Variants in CACNA1E observed in about 807,000 individuals in gnomAD.
The protein encoded by CACNA1E is calcium voltage-gated channel subunit alpha1 E, also known as voltage-dependent R-type calcium channel subunit alpha-1E.
A neutral mutation model predicts 259.2 loss-of-function variants in CACNA1E; 40 were observed. The observed-to-expected ratio is 0.15, with a 90% confidence interval of 0.12 to 0.20. The LOEUF (loss-of-function observed/expected upper bound fraction) is 0.20. Ranked by LOEUF, CACNA1E falls within the 10% of genes least tolerant of loss-of-function variation. The pLI is 1.00. For synonymous variants in CACNA1E, 1,104 were observed against 1,138.5 expected, an observed-to-expected ratio of 0.97 and a Z score of 0.61; for missense variants, 1,874 against 3,040.1, an observed-to-expected ratio of 0.62 and a Z score of 9.02.
At chr1:181,357,075 C>A (rs1362689773) in intron 1 of CACNA1E, among the ~76,000 whole-genome samples, 1 of 152,154 alleles carries the variant, frequency 6.6e-6, no homozygotes, top group African/African-American at 2.4e-5. Flanking sequence ...AATGTGATTG[C>A]TTCCATTGAA....
chr1:181,510,944 C>G (rs893464575), intron 2 of CACNA1E, among the ~76,000 whole-genome samples: 1 of 152,332 alleles, frequency 6.6e-6, no homozygotes, highest in Admixed American at 6.5e-5. Context: ...CCAATGCTTA[C>G]GTCCTTATTC....
At chr1:181,446,973 A>G (rs577347157) in intron 2 of CACNA1E, among the ~76,000 whole-genome samples, 4 of 152,174 alleles carry the variant, frequency 2.6e-5, no homozygotes, top group Middle Eastern at 3.4e-3. Flanking sequence ...AATCTGGGCC[A>G]TTGTTTTTTA....
intron 3 of CACNA1E, among the ~76,000 whole-genome samples, chr1:181,526,704 G>A (rs1480674964): frequency 6.6e-6 from 1 of 152,152 alleles, no homozygotes; most frequent in East Asian, 1.9e-4. Context: ...CAAAGGCTCT[G>A]GCATGACATA....
chr1:181,762,740 T>A, intron 33 of CACNA1E, 83 bp downstream of exon 33: 1 of 802,988 alleles, frequency 1.2e-6, no homozygotes, highest in Non-Finnish European at 2.1e-6. Flanking sequence ...CAGTCCATTT[T>A]TAACCCACCA....
At chr1:181,681,142 T>C (rs969633751) in intron 7 of CACNA1E, among the ~76,000 whole-genome samples, 8 of 152,212 alleles carry the variant, frequency 5.3e-5, no homozygotes, top group Non-Finnish European at 8.8e-5. Flanking sequence ...GGATGTGTTC[T>C]TTTTCTCTGG....
At chr1:181,470,063 G>A (rs1662395844) in intron 2 of CACNA1E, among the ~76,000 whole-genome samples, 1 of 151,788 alleles carries the variant, frequency 6.6e-6, no homozygotes, top group Non-Finnish European at 1.5e-5. Flanking sequence ...GTGAGAGAGA[G>A]AGAGTGAGAG....
chr1:181,696,007 T>C (rs1651665680), intron 7 of CACNA1E, among the ~76,000 whole-genome samples: 1 of 150,896 alleles, frequency 6.6e-6, no homozygotes, highest in African/African-American at 2.4e-5. Context: ...CTGTGTAGAT[T>C]AAAATTAATT....
At chr1:181,497,326 C>A (rs1664846218) in intron 1 of CACNA1E, among the ~76,000 whole-genome samples, 1 of 152,200 alleles carries the variant, frequency 6.6e-6, no homozygotes, top group South Asian at 2.1e-4. Context: ...CTTCTAACAG[C>A]TTTCTATACT....
At chr1:181,346,078 C>T (rs1023127904) in intron 1 of CACNA1E, among the ~76,000 whole-genome samples, 5 of 152,214 alleles carry the variant, frequency 3.3e-5, no homozygotes, top group Non-Finnish European at 5.9e-5. Flanking sequence ...CCCTGCACAG[C>T]TGAAGGGGCG....
chr1:181,574,823 G>A (rs1384630346), intron 3 of CACNA1E, among the ~76,000 whole-genome samples: 2 of 152,030 alleles, frequency 1.3e-5, no homozygotes, highest in Non-Finnish European at 2.9e-5. Context: ...TCAGGAGTTC[G>A]AGACCAGCCT....
rs534272474 is a variant in CACNA1E at position 181,732,512 on chromosome 1, A to G, written c.2426A>G (p.Asn809Ser). The change falls in exon 20 of 48, where the codon AAC (asparagine) becomes AGC (serine). Residue 809 changes from asparagine (N) to serine (S), a missense_variant. Transcript: ENST00000367573. The surrounding 1 kb of genome is among the most constrained non-coding windows in gnomAD (Gnocchi z 5.5). ...REEAPTMNPL[N>S]PLNPLSSLNP... ...GAGGCGCCGACCATGAACCCGCTCA[A>G]CCCCCTCAACCCGCTCAGCTCCCTC... 4 of 1,550,330 alleles carry G rather than the reference A, an allele frequency of 2.6e-6. No individual in the cohort carries two copies. Among genetic ancestry groups the G allele is most frequent in the African/African-American group, 2.8e-5 (2 of 72,712 alleles).
intron 2 of CACNA1E, among the ~76,000 whole-genome samples, chr1:181,414,922 C>T (rs1376279291): frequency 1.3e-5 from 2 of 152,192 alleles, no homozygotes; most frequent in African/African-American, 2.4e-5. Flanking sequence ...ATTGAGATGC[C>T]ATGGTAAGAG....
At chr1:181,702,864 C>A (rs1475565399) in intron 7 of CACNA1E, among the ~76,000 whole-genome samples, 1 of 152,190 alleles carries the variant, frequency 6.6e-6, no homozygotes, top group African/African-American at 2.4e-5. Context: ...TTTATTTTTC[C>A]CTGAGGAATT....
At chr1:181,543,054 CATATTAAA>C (rs1454270815) in intron 3 of CACNA1E, among the ~76,000 whole-genome samples, 8 of 151,946 alleles carry the variant, frequency 5.3e-5, no homozygotes, top group Admixed American at 1.3e-4. Flanking sequence ...TCAAATGTCA[CATATTAAA>C]ATATTAGAGA....
chr1:181,426,750 C>CATATCAATCCCT (rs1491304432), intron 2 of CACNA1E, among the ~76,000 whole-genome samples: 2 of 135,356 alleles, frequency 1.5e-5, no homozygotes, highest in African/African-American at 5.6e-5. Flanking sequence ...AGCCCCTTCC[C>CATATCAATCCCT]GTCTCAACCC....
intron 3 of CACNA1E, among the ~76,000 whole-genome samples, chr1:181,544,931 A>G (rs1298627505): frequency 6.6e-6 from 1 of 152,192 alleles, no homozygotes; most frequent in Admixed American, 6.5e-5. Context: ...GCCTTAAGCT[A>G]GCACAGTGGC....
At chr1:181,748,451 C>T (rs982414201) in intron 25 of CACNA1E, among the ~76,000 whole-genome samples, 1 of 152,068 alleles carries the variant, frequency 6.6e-6, no homozygotes, top group African/African-American at 2.4e-5. Context: ...ATATTGGGCC[C>T]TCCCGCAGAA....
At chr1:181,407,798 G>A (rs1214086409) in intron 1 of CACNA1E, among the ~76,000 whole-genome samples, 2 of 152,054 alleles carry the variant, frequency 1.3e-5, no homozygotes, top group African/African-American at 2.4e-5. Flanking sequence ...CCTATTGCTG[G>A]GCAGGAAACC....
At chr1:181,789,044 T>C (rs1227510498) in intron 43 of CACNA1E, among the ~76,000 whole-genome samples, 1 of 151,806 alleles carries the variant, frequency 6.6e-6, no homozygotes. Flanking sequence ...ATTTTTTTTG[T>C]AGAGACAGGT....
Sources: gnomAD v4.1 joint callset for allele counts (sites outside exome capture counted in the v4.1 genomes callset) on GRCh38, gnomAD v4.1.1 for gene constraint, Gnocchi (gnomAD v3.1) non-coding constraint, MANE v1.5 for transcripts, NCBI Gene and HGNC (gene_info 2026-07-23, HGNC 2026-07-21) for gene names.